TRPC7: variants seen among roughly 807,000 people sequenced by gnomAD.
The protein encoded by TRPC7 is short transient receptor potential channel 7.
TRPC7 carries 42 observed loss-of-function variants against 90.1 expected under a neutral mutation model. The observed-to-expected ratio is 0.47, with a 90% CI of 0.36 to 0.60. The LOEUF is 0.60. TRPC7 is among the 20% of genes least tolerant of loss of function. The probability of loss-of-function intolerance (pLI) is 0.00; values close to 1 mark genes in which losing one functional copy is unlikely to be tolerated. For missense variants in TRPC7, 955 were observed against 1,112.3 expected, an observed-to-expected ratio of 0.86 and a Z score of 2.01; for synonymous variants, 451 against 436.3, an observed-to-expected ratio of 1.03 and a Z score of -0.42.
chr5:136,351,494 G>A (rs72797028), intron 2 of TRPC7, among the ~76,000 whole-genome samples: 14 of 152,326 alleles, frequency 9.2e-5, no homozygotes, highest in Non-Finnish European at 1.9e-4. Flanking sequence ...GAAAGTATGT[G>A]AGAAACTGGT....
chr5:136,365,178 A>G, intron 1 of TRPC7, 75 bp downstream of exon 1: 3 of 1,473,872 alleles, frequency 2.0e-6, no homozygotes, highest in Non-Finnish European at 2.8e-6. Flanking sequence ...TGAAAGTTCA[A>G]TTACATATTT....
intron 7 of TRPC7, among the ~76,000 whole-genome samples, chr5:136,239,144 C>T (rs1215899440): frequency 6.6e-6 from 1 of 152,094 alleles, no homozygotes; most frequent in Non-Finnish European, 1.5e-5. Context: ...CTATGCCTAA[C>T]TTGCATTAAT....
At chr5:136,283,386 C>T (rs1757607685) in intron 3 of TRPC7, among the ~76,000 whole-genome samples, 1 of 152,184 alleles carries the variant, frequency 6.6e-6, no homozygotes, top group East Asian at 1.9e-4. Flanking sequence ...CCCATCTTTT[C>T]TAAAAGGGCA....
intron 2 of TRPC7, among the ~76,000 whole-genome samples, chr5:136,343,212 C>T (rs142632465): frequency 2.6e-5 from 4 of 152,076 alleles, no homozygotes; most frequent in African/African-American, 9.7e-5. Flanking sequence ...AATTTCTTAA[C>T]AAGACTAAAT....
At chr5:136,223,920 G>T (rs989227684) in intron 10 of TRPC7, among the ~76,000 whole-genome samples, 5 of 152,156 alleles carry the variant, frequency 3.3e-5, no homozygotes, top group African/African-American at 1.2e-4. Context: ...AATTTTGTGC[G>T]CGATTAAACA....
At chr5:136,283,264 T>G (rs1399808867) in intron 3 of TRPC7, among the ~76,000 whole-genome samples, 1 of 152,224 alleles carries the variant, frequency 6.6e-6, no homozygotes, top group South Asian at 2.1e-4. Context: ...GTGTCTGCTT[T>G]CTTTGCAAAG....
At chr5:136,291,375 G>T (rs1484120097) in intron 3 of TRPC7, among the ~76,000 whole-genome samples, 1 of 152,178 alleles carries the variant, frequency 6.6e-6, no homozygotes, top group Non-Finnish European at 1.5e-5. Context: ...AGACCCATCA[G>T]TGTGCTGTAT....
At chr5:136,242,343 C>G (rs1756199642) in intron 7 of TRPC7, among the ~76,000 whole-genome samples, 1 of 152,268 alleles carries the variant, frequency 6.6e-6, no homozygotes, top group South Asian at 2.1e-4. Context: ...ATCTGTCATG[C>G]CCAGACAGGC....
intron 2 of TRPC7, among the ~76,000 whole-genome samples, chr5:136,316,518 C>T (rs1446297768): frequency 6.6e-6 from 1 of 152,154 alleles, no homozygotes; most frequent in African/African-American, 2.4e-5. Context: ...GTTGAATAAA[C>T]ATTTTTAGCC....
At position 136,234,391 on chromosome 5, in the gene TRPC7, C is replaced by T. The variant is rs118177770; in HGVS notation, c.1845-2842G>A. ...GTGGCACGATCTTGGCTCACGGCAA[C>T]CTCCGCGTCCTGGGTTTAAGTGATT... On this transcript the variant is annotated intron_variant, in intron 7 of 11. Transcript: ENST00000513104. Among the ~76,000 whole-genome samples, 389 of 152,112 alleles carry T rather than the reference C, an allele frequency of 2.6e-3. 14 individuals carry two copies. In the East Asian group the frequency reaches 0.071, roughly 28 times the overall value.
At chr5:136,253,099 T>G (rs549615977) in intron 5 of TRPC7, among the ~76,000 whole-genome samples, 1 of 152,380 alleles carries the variant, frequency 6.6e-6, no homozygotes, top group East Asian at 1.9e-4. Flanking sequence ...GTAAAGTATC[T>G]CATTAATAAT....
At chr5:136,287,667 T>C (rs1482980087) in intron 3 of TRPC7, among the ~76,000 whole-genome samples, 2 of 110,730 alleles carry the variant, frequency 1.8e-5, no homozygotes, top group Non-Finnish European at 3.3e-5. Flanking sequence ...TGCTATAGTG[T>C]CAGGGACAGA....
chr5:136,277,392 TAAG>T (rs1351361845), intron 3 of TRPC7, among the ~76,000 whole-genome samples: 1 of 152,250 alleles, frequency 6.6e-6, no homozygotes, highest in Non-Finnish European at 1.5e-5. Context: ...TATGATGTAA[TAAG>T]ATATCAGCTG....
chr5:136,321,010 A>T (rs554079833), intron 2 of TRPC7, among the ~76,000 whole-genome samples: 50 of 152,176 alleles, frequency 3.3e-4, no homozygotes, highest in Non-Finnish European at 4.3e-4. Flanking sequence ...TTTCTGTGTC[A>T]TTCACAAATA....
intron 3 of TRPC7, among the ~76,000 whole-genome samples, chr5:136,307,161 TCTTA>T (rs1220343231): frequency 2.0e-5 from 3 of 152,250 alleles, no homozygotes; most frequent in South Asian, 2.1e-4. Flanking sequence ...AAATTTACTT[TCTTA>T]CTTATTTTGA....
chr5:136,356,948 C>T lies in TRPC7; in HGVS notation c.440G>A (p.Arg147His), dbSNP rs1360853337. 1.9e-6 allele frequency: 3 copies of T among 1,612,814 alleles called. No homozygotes were observed. Among genetic ancestry groups the T allele is most frequent in the East Asian group, 2.2e-5 (1 of 44,858 alleles). ...GTCGTAGGCATAGAAGTCGTCGTCG[C>T]GCAGCTCCTGTTCCAGCGGGCTGAG... ...LTLSPLEQEL[R>H]DDDFYAYDED... Residue 147 changes from arginine (R) to histidine (H), a missense_variant, in exon 2 of 12, where the codon CGC (arginine) becomes CAC (histidine). By Grantham distance (29) the Arg-to-His change is conservative (BLOSUM62 0). Around this residue, in one of 4 missense-constraint regions of TRPC7, gnomAD observed 484 missense variants for 509.6 expected, o/e 0.95. Transcript: ENST00000513104.
intron 3 of TRPC7, among the ~76,000 whole-genome samples, chr5:136,284,574 A>G (rs1030654945): frequency 1.3e-5 from 2 of 152,228 alleles, no homozygotes; most frequent in Non-Finnish European, 2.9e-5. Context: ...GAAGTTGATA[A>G]TAATGTCTTG....
At chr5:136,222,614 C>G (rs1755497216) in intron 10 of TRPC7, among the ~76,000 whole-genome samples, 1 of 152,198 alleles carries the variant, frequency 6.6e-6, no homozygotes, top group African/African-American at 2.4e-5. Context: ...GCAAAAGTGC[C>G]CCAGTGCCTT....
chr5:136,266,650 T>C (rs1169847434), intron 4 of TRPC7, among the ~76,000 whole-genome samples: 1 of 152,176 alleles, frequency 6.6e-6, no homozygotes, highest in Non-Finnish European at 1.5e-5. Flanking sequence ...TTAGAAGACT[T>C]AGTGGGAGGG....
Sources: allele counts gnomAD v4.1 joint callset (sites outside exome capture counted in the v4.1 genomes callset), GRCh38; gene constraint gnomAD v4.1.1; regional missense constraint gnomAD v4.1.1; transcripts MANE v1.5; gene names NCBI Gene and HGNC (gene_info 2026-07-23, HGNC 2026-07-21).